Variants in DLG2 observed in about 807,000 individuals in gnomAD.
DLG2 encodes discs large MAGUK scaffold protein 2.
A neutral mutation model predicts 132.5 loss-of-function variants in DLG2; 45 were observed. That is an observed-to-expected ratio of 0.34 (90% confidence interval 0.27 to 0.44). The LOEUF (loss-of-function observed/expected upper bound fraction) is 0.44, where lower values mean the gene tolerates loss of function less well. DLG2 is among the 20% of genes least tolerant of loss of function. The probability of loss-of-function intolerance (pLI) is 1.00; values close to 1 mark genes in which losing one functional copy is unlikely to be tolerated. For synonymous variants in DLG2, 424 were observed against 419.6 expected, an observed-to-expected ratio of 1.01 and a Z score of -0.13; for missense variants, 1,045 against 1,196.9, an observed-to-expected ratio of 0.87 and a Z score of 1.87.
chr11:83,848,020 CT>C (rs1427436716), intron 16 of DLG2, among the ~76,000 whole-genome samples: 1 of 151,770 alleles, frequency 6.6e-6, no homozygotes, highest in Non-Finnish European at 1.5e-5. Flanking sequence ...TAATTCTCCT[CT>C]TTTTCCTTTC....
intron 9 of DLG2, among the ~76,000 whole-genome samples, chr11:84,154,717 C>G (rs1211228272): frequency 6.6e-6 from 1 of 151,856 alleles, no homozygotes; most frequent in African/African-American, 2.4e-5. Context: ...TCTCATTGTT[C>G]AATTCCCACC....
At chr11:84,453,878 G>C (rs1381214494) in intron 7 of DLG2, among the ~76,000 whole-genome samples, 1 of 151,626 alleles carries the variant, frequency 6.6e-6, no homozygotes, top group Non-Finnish European at 1.5e-5. Context: ...TGTAGCCTCT[G>C]TGAACCTGTT....
intron 19 of DLG2, among the ~76,000 whole-genome samples, chr11:83,600,915 G>A (rs2058433426): frequency 2.6e-5 from 4 of 152,316 alleles, no homozygotes; most frequent in African/African-American, 7.2e-5. Flanking sequence ...GAAGAATGCC[G>A]AGTGCAATGA....
intron 6 of DLG2, among the ~76,000 whole-genome samples, chr11:84,991,523 A>AAAAAAAAAAAAAAAAG (rs1555331856): frequency 2.6e-5 from 3 of 116,330 alleles, no homozygotes; most frequent in Admixed American, 1.9e-4. Context: ...AAAAAAAAAA[A>AAAAAAAAAAAAAAAAG]AAAGAAAGAA....
At chr11:84,856,946 G>T (rs1442005928) in intron 6 of DLG2, among the ~76,000 whole-genome samples, 1 of 151,962 alleles carries the variant, frequency 6.6e-6, no homozygotes, top group Non-Finnish European at 1.5e-5. Context: ...AGAACCAAAA[G>T]TATGTTTTGT....
chr11:85,262,071 G>C (rs1025399459), intron 4 of DLG2, among the ~76,000 whole-genome samples: 3 of 152,176 alleles, frequency 2.0e-5, no homozygotes, highest in African/African-American at 7.2e-5. Flanking sequence ...TCGCAATCCT[G>C]AGAGAGAGTC....
At chr11:85,192,751 T>C (rs1301023055) in intron 4 of DLG2, among the ~76,000 whole-genome samples, 1 of 152,208 alleles carries the variant, frequency 6.6e-6, no homozygotes, top group Non-Finnish European at 1.5e-5. Flanking sequence ...ATTCCTCTTA[T>C]TCCTTCTGTC....
chr11:84,556,271 G>A (rs377410922), intron 6 of DLG2, among the ~76,000 whole-genome samples: 1 of 152,186 alleles, frequency 6.6e-6, no homozygotes, highest in Non-Finnish European at 1.5e-5. Flanking sequence ...CTAGTGGACA[G>A]TGGGTATAAA....
At chr11:85,351,055 T>G (rs774002126) in intron 3 of DLG2, among the ~76,000 whole-genome samples, 31 of 152,240 alleles carry the variant, frequency 2.0e-4, no homozygotes, top group Non-Finnish European at 2.5e-4. Context: ...GGAATTTTCT[T>G]CCATTTGTTT....
At chr11:85,532,477 G>A (rs2075274163) in intron 3 of DLG2, among the ~76,000 whole-genome samples, 1 of 152,172 alleles carries the variant, frequency 6.6e-6, no homozygotes. Flanking sequence ...GAAATATGAT[G>A]TATTCATTTG....
In DLG2 at chr11:84,600,897, C is replaced by T. The variant is rs575194394; in HGVS notation, c.358-66166G>A. ...TCAAAACTGGTACATGGTAGGTGTC[C>T]AAGGAATGTTTAGATAATTGCTATA... is the stretch of plus-strand genomic sequence containing the variant. On this transcript the variant is annotated intron_variant, in intron 6 of 27. Coordinates refer to ENST00000376104, the MANE Select transcript of DLG2 (RefSeq NM_001142699.3). Among the ~76,000 whole-genome samples, 56 of 152,146 alleles carry T rather than the reference C, an allele frequency of 3.7e-4. No homozygotes were observed. In the South Asian group the frequency reaches 4.6e-3, roughly 12 times the overall value.
At chr11:84,074,683 C>T (rs207472092) in intron 10 of DLG2, among the ~76,000 whole-genome samples, 8 of 151,972 alleles carry the variant, frequency 5.3e-5, no homozygotes, top group Non-Finnish European at 1.2e-4. Context: ...CGCCGGCCAC[C>T]ACGCCCGGCT....
At chr11:83,677,275 C>T (rs2077906235) in intron 18 of DLG2, among the ~76,000 whole-genome samples, 1 of 152,096 alleles carries the variant, frequency 6.6e-6, no homozygotes, top group Admixed American at 6.6e-5. Flanking sequence ...CTCTTTGCAC[C>T]ATCCCTACTA....
intron 14 of DLG2, among the ~76,000 whole-genome samples, chr11:83,947,666 G>T (rs1416291606): frequency 1.3e-5 from 2 of 152,162 alleles, no homozygotes; most frequent in African/African-American, 2.4e-5. Context: ...GTTTTACATG[G>T]ATTAATTTAT....
intron 19 of DLG2, among the ~76,000 whole-genome samples, chr11:83,575,327 T>G (rs757623276): frequency 4.6e-5 from 7 of 152,096 alleles, no homozygotes; most frequent in Non-Finnish European, 8.8e-5. Flanking sequence ...TGACAGAGTC[T>G]CGAGGCCATC....
At position 84,688,749 on chromosome 11, in the gene DLG2, G is replaced by C. The variant is rs1437350353; in HGVS notation, c.358-154018C>G. Among the ~76,000 whole-genome samples, 3 of 152,110 alleles carry C rather than the reference G, an allele frequency of 2.0e-5. No homozygotes were observed. In the East Asian group the frequency reaches 5.8e-4, roughly 29 times the overall value. ...GGAAAAAGGCCCTCAGACAAGATCA[G>C]CTCAAATATGACCCTTCCAATCTCC... On this transcript the variant is annotated intron_variant, in intron 6 of 27. Transcript: ENST00000376104.
intron 4 of DLG2, among the ~76,000 whole-genome samples, chr11:85,279,516 CACTT>C (rs1406050350): frequency 6.6e-6 from 1 of 152,048 alleles, no homozygotes; most frequent in Non-Finnish European, 1.5e-5. Flanking sequence ...TGAAAACACT[CACTT>C]CTCCTTTAAG....
At chr11:84,502,204 T>TCTCTCTCTCTCTCTC (rs1491550487) in intron 7 of DLG2, among the ~76,000 whole-genome samples, 1 of 5,274 alleles carries the variant, frequency 1.9e-4, no homozygotes, top group Admixed American at 1.5e-3. Flanking sequence ...CTCTCTCTCC[T>TCTCTCTCTCTCTCTC]TCCTTCCTTC....
intron 18 of DLG2, among the ~76,000 whole-genome samples, chr11:83,747,275 T>TCTTCCTTCCTTCCTTCCTTCCTTC (rs61484895): frequency 5.8e-5 from 7 of 121,660 alleles, no homozygotes; most frequent in South Asian, 2.9e-4. Context: ...TGCTTTAAAA[T>TCTTCCTTCCTTCCTTCCTTCCTTC]CTTCCTTCCT....
Sources: allele counts gnomAD v4.1 joint callset (sites outside exome capture counted in the v4.1 genomes callset), GRCh38; gene constraint gnomAD v4.1.1; transcripts MANE v1.5; gene names NCBI Gene and HGNC (gene_info 2026-07-23, HGNC 2026-07-21).